The following AKIRIN1 variants were observed in gnomAD, a reference collection of about 807,000 sequenced individuals.
The protein encoded by AKIRIN1 is akirin-1.
Under a neutral mutation model 25.9 loss-of-function variants are expected in AKIRIN1, and 4 were observed. The observed-to-expected ratio is 0.15, with a 90% confidence interval of 0.08 to 0.35. AKIRIN1 has a LOEUF of 0.35. Ranked by LOEUF, AKIRIN1 falls within the 10% of genes least tolerant of loss-of-function variation. AKIRIN1 has a pLI of 1.00. For synonymous variants in AKIRIN1, 125 were observed against 105.1 expected, an observed-to-expected ratio of 1.19 and a Z score of -1.16; for missense variants, 243 against 266.1, an observed-to-expected ratio of 0.91 and a Z score of 0.61.
intron 1 of AKIRIN1, among the ~76,000 whole-genome samples, chr1:38,996,589 G>A (rs1643950116): frequency 1.3e-5 from 2 of 151,868 alleles, no homozygotes; most frequent in Non-Finnish European, 2.9e-5. Context: ...GAGTGCAGTG[G>A]CACAATCTCG....
chr1:38,997,033 A>G (rs1159468776), intron 1 of AKIRIN1, among the ~76,000 whole-genome samples: 1 of 152,138 alleles, frequency 6.6e-6, no homozygotes, highest in East Asian at 1.9e-4. Context: ...AGAAGTAAAG[A>G]TCCTGAATAA....
intron 3 of AKIRIN1, 114 bp from the exon 4 acceptor site, chr1:39,003,233 G>A: frequency 1.1e-6 from 1 of 916,638 alleles, no homozygotes. Flanking sequence ...CCTTTATAAA[G>A]AGGGCCTGAG....
At chr1:38,991,973 T>G (rs1255067176) in intron 1 of AKIRIN1, among the ~76,000 whole-genome samples, 1 of 138,522 alleles carries the variant, frequency 7.2e-6, no homozygotes, top group Non-Finnish European at 1.6e-5. Context: ...AAAATTGGAT[T>G]CTACTCACGA....
intron 1 of AKIRIN1, among the ~76,000 whole-genome samples, chr1:38,992,078 G>C (rs941493350): frequency 1.3e-5 from 2 of 152,048 alleles, no homozygotes; most frequent in African/African-American, 4.8e-5. Context: ...ATGATTTCCA[G>C]AAGTCTTTAG....
chr1:39,002,064 G>A (rs1262090501), intron 3 of AKIRIN1, among the ~76,000 whole-genome samples: 1 of 152,194 alleles, frequency 6.6e-6, no homozygotes, highest in Non-Finnish European at 1.5e-5. Flanking sequence ...TACCTGTTTA[G>A]TGAAAGTGGA....
intron 1 of AKIRIN1, among the ~76,000 whole-genome samples, chr1:38,991,872 G>T (rs1301935453): frequency 6.6e-6 from 1 of 152,110 alleles, no homozygotes; most frequent in East Asian, 1.9e-4. Context: ...AATACCTCTG[G>T]CCGCTCCGGG....
At position 38,991,388 on chromosome 1, in the gene AKIRIN1, GC is replaced by G; in HGVS notation, c.9del (p.Cys3TrpfsTer5). The G allele has an allele frequency of 7.5e-7, 1 of 1,336,452 alleles. No homozygotes were observed. Among genetic ancestry groups the G allele is most frequent in the Non-Finnish European group, 9.6e-7 (1 of 1,046,642 alleles). The allele number at this position is 1,336,452 out of a possible 1,614,324, so 82.8% of individuals were successfully genotyped here. On this transcript the variant is annotated frameshift_variant, in exon 1 of 5. Transcript: ENST00000432648. LOFTEE classifies it high-confidence loss of function. MA[C>X]GATLKRPMEF... ...CCCTGGCCCCTCAGCGGCATGGCGTGCGGGGCGACGCTGAAGCGGCCCATGG... is the reference window on the plus strand; with the variant it reads ...CCCTGGCCCCTCAGCGGCATGGCGTGGGGGCGACGCTGAAGCGGCCCATGG...
Position 39,004,257 on chromosome 1 carries a change from C to G in AKIRIN1, c.*202C>G, listed in dbSNP as rs1200938974. The G allele has an allele frequency of 2.8e-6, 2 of 708,932 alleles. No homozygotes were observed. Among genetic ancestry groups the G allele is most frequent in the Admixed American group, 2.0e-5 (1 of 49,740 alleles). The allele number at this position is 708,932 out of a possible 1,614,324, so 43.9% of individuals were successfully genotyped here. A position where few individuals can be genotyped will look rare whatever the true frequency, so the allele number is the denominator to read the frequency against. ...AGCATATCTTTCTTTTCTGCTCATC[C>G]AATAAACAGCTGTGCCCTACTGTGA... On this transcript the variant is annotated 3_prime_UTR_variant, in exon 5 of 5. Transcript: ENST00000432648.
At chr1:38,999,976 A>G (rs1166757521) in intron 2 of AKIRIN1, among the ~76,000 whole-genome samples, 1 of 151,930 alleles carries the variant, frequency 6.6e-6, no homozygotes, top group African/African-American at 2.4e-5. Context: ...TTCACCTCCC[A>G]GGTTCAAGCA....
intron 1 of AKIRIN1, among the ~76,000 whole-genome samples, chr1:38,993,358 G>A (rs1643923209): frequency 1.3e-5 from 2 of 151,912 alleles, no homozygotes. Context: ...GGCCAACATG[G>A]TGAAAACCCT....
At chr1:39,002,972 G>A (rs555877712) in intron 3 of AKIRIN1, among the ~76,000 whole-genome samples, 1 of 152,298 alleles carries the variant, frequency 6.6e-6, no homozygotes, top group East Asian at 1.9e-4. Flanking sequence ...TTCACTCAAT[G>A]TGTGTTGAAA....
chr1:38,998,283 C>T lies in AKIRIN1; in HGVS notation c.333C>T (p.Ser111=). ...EACASESQPH[S]SALTAPSSPG... ...GTGCTTCGGAAAGTCAACCTCACTCCTCAGCACTCACAGCACCTAGCTCTC... is the reference window on the plus strand; with the variant it reads ...GTGCTTCGGAAAGTCAACCTCACTCTTCAGCACTCACAGCACCTAGCTCTC... The change falls in exon 2 of 5, where the codon TCC becomes TCT. Residue 111 remains serine (S), a synonymous_variant. Coordinates refer to ENST00000432648, the MANE Select transcript of AKIRIN1 (RefSeq NM_024595.3). 6.2e-7 allele frequency: 1 copy of T among 1,613,304 alleles called. No individual in the cohort carries two copies. Among genetic ancestry groups the T allele is most frequent in the Non-Finnish European group, 8.5e-7 (1 of 1,179,692 alleles).
chr1:38,997,406 C>T (rs7540955), intron 1 of AKIRIN1, among the ~76,000 whole-genome samples: 17,219 of 152,262 alleles, frequency 0.11, 1,225 homozygotes, highest in Non-Finnish European at 0.15. Flanking sequence ...CCCTGACCAT[C>T]ACTTCTAGGC....
chr1:39,001,772 A>T (rs1015450811), intron 3 of AKIRIN1, among the ~76,000 whole-genome samples: 17 of 152,196 alleles, frequency 1.1e-4, no homozygotes, highest in African/African-American at 3.9e-4. Context: ...TTTCCATATC[A>T]ATGAAGGCAT....
rs796582761 is a variant in AKIRIN1, at chr1:39,000,505, G to A, written c.362-467G>A. On this transcript the variant is annotated intron_variant, in intron 2 of 4. Coordinates refer to ENST00000432648, the MANE Select transcript of AKIRIN1 (RefSeq NM_024595.3). ...TGGAATTACAGGTGCCCATCACCAC[G>A]TCCAGCTAATTTTTTGTATTTTAAG... Among the ~76,000 whole-genome samples the A allele has an allele frequency of 1.3e-4, 20 of 151,392 alleles. 1 individual carries two copies. The highest frequency in any genetic ancestry group is 4.8e-4 in the African/African-American group (20 of 41,286).
rs11547141 is a variant in AKIRIN1 at position 38,991,414 on chromosome 1, G to A, written c.34G>A (p.Glu12Lys). The change falls in exon 1 of 5, where the codon GAG becomes AAG. Residue 12 changes from glutamate (E) to lysine (K), a missense_variant. Transcript: ENST00000432648. The part of the protein sequence containing the change: ...ACGATLKRPM[E>K]FEAALLSPGS... The stretch of plus-strand genomic sequence containing the variant: ...CGGGGCGACGCTGAAGCGGCCCATG[G>A]AGTTCGAGGCGGCGCTGCTGAGCCC... 7.4e-7 allele frequency: 1 copy of A among 1,360,372 alleles called. No homozygotes were observed. The highest frequency in any genetic ancestry group is 9.4e-7 in the Non-Finnish European group (1 of 1,061,686). 84.3% of individuals were successfully genotyped at this position (1,360,372 alleles called of 1,614,324 possible).
At chr1:39,002,018 TGAAA>T (rs1313689922) in intron 3 of AKIRIN1, among the ~76,000 whole-genome samples, 1 of 152,204 alleles carries the variant, frequency 6.6e-6, no homozygotes, top group East Asian at 1.9e-4. Flanking sequence ...AAGCCTTTTG[TGAAA>T]GAAAGAGATC....
chr1:38,998,094 T>C, intron 1 of AKIRIN1, 77 bp from the exon 2 acceptor site: 1 of 1,462,174 alleles, frequency 6.8e-7, no homozygotes, highest in Non-Finnish European at 9.2e-7. Context: ...AAGATCTTTG[T>C]CTCTTCCCAC....
Position 39,004,502 on chromosome 1 carries a change from G to A in AKIRIN1, c.*447G>A. The A allele has an allele frequency of 7.4e-6, 2 of 268,860 alleles. No individual in the cohort carries two copies. The highest frequency in any genetic ancestry group is 3.7e-5 in the South Asian group (1 of 26,754). 16.7% of individuals were successfully genotyped at this position (268,860 alleles called of 1,614,324 possible). On this transcript the variant is annotated 3_prime_UTR_variant, in exon 5 of 5. Transcript: ENST00000432648. ...TGTGAATTTGGTGCACGACAATTAT[G>A]GTAAAAAAACATTTGCTTGGTCTAA... is the stretch of plus-strand genomic sequence containing the variant.
Sources: allele counts gnomAD v4.1 joint callset (sites outside exome capture counted in the v4.1 genomes callset), GRCh38; gene constraint gnomAD v4.1.1; transcripts MANE v1.5; gene names NCBI Gene and HGNC (gene_info 2026-07-23, HGNC 2026-07-21).